The following CD22 variants were observed in gnomAD, a reference collection of about 807,000 sequenced individuals.
CD22 encodes the protein B-cell receptor CD22.
Under a neutral mutation model 94.7 loss-of-function variants are expected in CD22, and 51 were observed. The observed-to-expected ratio is 0.54, with a 90% CI of 0.43 to 0.68. CD22 has a LOEUF of 0.68. CD22 is among the 30% of genes least tolerant of loss of function. The pLI is 0.00. For synonymous variants in CD22, 424 were observed against 422.5 expected (o/e 1.00, Z -0.04); for missense variants, 931 against 1,060.4 (o/e 0.88, Z 1.69).
Position 35,337,092 on chromosome 19 carries a change from A to G in CD22, c.719-663A>G, listed in dbSNP as rs2145659090. Among the ~76,000 whole-genome samples the G allele has an allele frequency of 6.6e-6, 1 of 152,264 alleles. No individual in the cohort carries two copies. Among genetic ancestry groups the G allele is most frequent in the Non-Finnish European group, 1.5e-5 (1 of 68,022 alleles). On this transcript the variant is annotated intron_variant, in intron 4 of 13. Coordinates refer to ENST00000085219, the MANE Select transcript of CD22 (RefSeq NM_001771.4). This position sits in a 1 kb window ranked among gnomAD's most constrained non-coding sequence, Gnocchi z 4.4. Reference sequence around the variant, plus strand: ...ATCTCTAGTAAAAATACAAAAAATTAGCCAGGCATGATGGCAGGCGCCTGT... The same window carrying G: ...ATCTCTAGTAAAAATACAAAAAATTGGCCAGGCATGATGGCAGGCGCCTGT...
At chr19:35,334,950 C>T (rs56212031) in intron 3 of CD22, among the ~76,000 whole-genome samples, 17,655 of 151,692 alleles carry the variant, frequency 0.12, 1,092 homozygotes, top group Middle Eastern at 0.14. Context: ...TGGTGGCAGG[C>T]GCCTGTAGTC....
In CD22 at chr19:35,340,899, C is replaced by T. The variant is rs1599684920; in HGVS notation, c.1268C>T (p.Thr423Ile). The change falls in exon 7 of 14, where the codon ACC (threonine) becomes ATC (isoleucine). Residue 423 changes from threonine (T) to isoleucine (I), a missense_variant. Coordinates refer to ENST00000085219, the MANE Select transcript of CD22 (RefSeq NM_001771.4). ...CTTCCAGATCCTCCCAAGAAGGTGA[C>T]CACAGTGATTCAAAACCCCATGCCG... The part of the protein sequence containing the change: ...LDVQYPPKKV[T>I]TVIQNPMPIR... The T allele has an allele frequency of 5.6e-6, 9 of 1,614,012 alleles. No individual in the cohort carries two copies. In the East Asian group the frequency reaches 2.0e-4, roughly 36 times the overall value.
intron 12 of CD22, 126 bp downstream of exon 12, chr19:35,345,846 C>A: frequency 1.3e-6 from 1 of 742,660 alleles, no homozygotes; most frequent in South Asian, 1.6e-5. Flanking sequence ...TGCCTCATTC[C>A]CACTCGGCAA....
chr19:35,338,301 G>T lies in CD22; in HGVS notation c.1119G>T (p.Met373Ile). Reference protein sequence around the residue: ...NYTWYHNGKEMQGRTEEKVHI... With the variant: ...NYTWYHNGKEIQGRTEEKVHI... ...CGTGGTACCACAATGGGAAAGAAAT[G>T]CAGGGAAGGACAGAGGAGAAAGTCC... Residue 373 changes from methionine (M) to isoleucine (I), a missense_variant, in exon 6 of 14, where the codon ATG becomes ATT. Physicochemically the swap from Met to Ile is conservative, Grantham distance 10. Coordinates refer to ENST00000085219, the MANE Select transcript of CD22 (RefSeq NM_001771.4). 6.2e-7 allele frequency: 1 copy of T among 1,614,256 alleles called. No homozygotes were observed. The highest frequency in any genetic ancestry group is 2.2e-5 in the East Asian group (1 of 44,888).
chr19:35,332,680 C>T lies in CD22; in HGVS notation c.168C>T (p.Phe56=). The T allele has an allele frequency of 6.2e-7, 1 of 1,614,142 alleles. No individual in the cohort carries two copies. The change falls in exon 3 of 14, where the codon TTC becomes TTT. Residue 56 remains phenylalanine (F), a synonymous_variant. Transcript: ENST00000085219. The part of the protein sequence containing the change: ...YRALDGDLES[F]ILFHNPEYNK... The stretch of plus-strand genomic sequence containing the variant: ...CCCTAGATGGTGACCTGGAAAGCTT[C>T]ATCCTGTTCCACAATCCTGAGTATA...
intron 9 of CD22, among the ~76,000 whole-genome samples, chr19:35,342,976 A>G (rs1351273178): frequency 6.6e-6 from 1 of 151,812 alleles, no homozygotes; most frequent in Non-Finnish European, 1.5e-5. Flanking sequence ...ATGCCCGGCT[A>G]ATTTTTTGTA....
At chr19:35,344,656 G>T in intron 9 of CD22, 173 bp from the exon 10 acceptor site, 1 of 631,560 alleles carries the variant, frequency 1.6e-6, no homozygotes. Flanking sequence ...TTCCTAAAGG[G>T]AGGCCCAGAG....
At chr19:35,330,268 A>G (rs2145642356) in intron 1 of CD22, among the ~76,000 whole-genome samples, 1 of 152,320 alleles carries the variant, frequency 6.6e-6, no homozygotes, top group Non-Finnish European at 1.5e-5. Context: ...CCCTGGAGGC[A>G]GAGGATGCAG....
intron 6 of CD22, among the ~76,000 whole-genome samples, chr19:35,340,310 TCTC>T (rs1467805081): frequency 2.0e-5 from 3 of 151,284 alleles, no homozygotes; most frequent in Admixed American, 6.6e-5. Context: ...TAAGATGGAG[TCTC>T]CCTCTGTTGC....
Position 35,341,782 on chromosome 19 carries a change from A to T in CD22, c.1852A>T (p.Ser618Cys). 3 of 1,613,036 alleles carry T rather than the reference A, an allele frequency of 1.9e-6. No homozygotes were observed. Among genetic ancestry groups the T allele is most frequent in the Non-Finnish European group, 2.5e-6 (3 of 1,179,952 alleles). ...GAAGAGTGCAACCCTGACCTGTGAG[A>T]GCGACGCCAACCCTCCCGTCTCCCA... is the stretch of plus-strand genomic sequence containing the variant. ...EGKSATLTCE[S>C]DANPPVSHYT... Residue 618 changes from serine to cysteine, a missense_variant, in exon 9 of 14, where the codon AGC becomes TGC. Ser to Cys is a moderately radical substitution (Grantham distance 112). Transcript: ENST00000085219. This position sits in a 1 kb window ranked among gnomAD's most constrained non-coding sequence, Gnocchi z 4.0.
chr19:35,339,393 C>T (rs913687841), intron 6 of CD22, among the ~76,000 whole-genome samples: 10 of 151,636 alleles, frequency 6.6e-5, no homozygotes, highest in Admixed American at 2.6e-4. Context: ...AAAACCCCAT[C>T]TCTACAAAAA....
chr19:35,340,916 C>T lies in CD22; in HGVS notation c.1285C>T (p.Pro429Ser), dbSNP rs149882238. 6.2e-7 allele frequency: 1 copy of T among 1,614,014 alleles called. No homozygotes were observed. Among genetic ancestry groups the T allele is most frequent in the African/African-American group, 1.3e-5 (1 of 74,904 alleles). The change falls in exon 7 of 14, where the codon CCC (proline) becomes TCC (serine). Residue 429 changes from proline (P) to serine (S), a missense_variant. Coordinates refer to ENST00000085219, the MANE Select transcript of CD22 (RefSeq NM_001771.4). ...GAAGGTGACCACAGTGATTCAAAACCCCATGCCGATTCGAGAAGGAGACAC... is the reference window on the plus strand; with the variant it reads ...GAAGGTGACCACAGTGATTCAAAACTCCATGCCGATTCGAGAAGGAGACAC... Reference protein sequence around the residue: ...PKKVTTVIQNPMPIREGDTVT... With the variant: ...PKKVTTVIQNSMPIREGDTVT...
chr19:35,336,514 GC>G, intron 4 of CD22, 173 bp downstream of exon 4: 2 of 614,822 alleles, frequency 3.3e-6, no homozygotes, highest in Non-Finnish European at 5.7e-6. Context: ...ATTTGCTCTA[GC>G]CTAACAGAAT....
Position 35,332,944 on chromosome 19 carries a change from G to T in CD22, c.412+20G>T. On this transcript the variant is annotated intron_variant, in intron 3 of 13. Coordinates refer to ENST00000085219, the MANE Select transcript of CD22 (RefSeq NM_001771.4). ...TCTCTGGTAAGGCCTTCGGGGAGCG[G>T]GTCCTCTGCTCTGGGCAGGGGTGAG... The T allele has an allele frequency of 6.2e-7, 1 of 1,608,104 alleles. No homozygotes were observed.
chr19:35,346,974 T>G lies in CD22; in HGVS notation c.*277T>G. Reference sequence around the variant, plus strand: ...ATCCATCTAAATACCTGCCCTGACATGCACACCTCCCCCTGCCCCCACCAC... The same window carrying G: ...ATCCATCTAAATACCTGCCCTGACAGGCACACCTCCCCCTGCCCCCACCAC... On this transcript the variant is annotated 3_prime_UTR_variant, in exon 14 of 14. Transcript: ENST00000085219. 2.8e-6 allele frequency: 1 copy of G among 353,402 alleles called. No individual in the cohort carries two copies. Among genetic ancestry groups the G allele is most frequent in the South Asian group, 3.8e-5 (1 of 26,044 alleles). The allele number at this position is 353,402 out of a possible 1,614,324, so 21.9% of individuals were successfully genotyped here.
rs2066917418 is a variant in CD22 at position 35,346,863 on chromosome 19, C to CTCAGAGCAG, written c.*173_*174insAGTCAGAGC. The stretch of plus-strand genomic sequence containing the variant: ...TCACTGCGGAGAACCTTGTGCCTGG[C>CTCAGAGCAG]TCAGAGCCAGTCTTTTTGGTGAGGG... On this transcript the variant is annotated 3_prime_UTR_variant, in exon 14 of 14. Transcript: ENST00000085219. 1 of 716,844 alleles carries CTCAGAGCAG rather than the reference C, an allele frequency of 1.4e-6. No individual in the cohort carries two copies. Among genetic ancestry groups the CTCAGAGCAG allele is most frequent in the Non-Finnish European group, 2.2e-6 (1 of 454,638 alleles). 44.4% of individuals were successfully genotyped at this position (716,844 alleles called of 1,614,324 possible).
At chr19:35,329,808 A>G (rs1407257197) in intron 1 of CD22, 1 of 155,676 alleles carries the variant, frequency 6.4e-6, no homozygotes, top group Non-Finnish European at 1.4e-5. Context: ...CAGGGAACGG[A>G]GTCTAGTCCT....
intron 6 of CD22, among the ~76,000 whole-genome samples, 188 bp downstream of exon 6, chr19:35,338,619 CTTGT>C (rs1370710555): frequency 6.6e-6 from 1 of 151,752 alleles, no homozygotes; most frequent in Non-Finnish European, 1.5e-5. Flanking sequence ...TTGGTAGATG[CTTGT>C]TTTTTTGTGT....
chr19:35,343,755 A>T (rs896046920), intron 9 of CD22, among the ~76,000 whole-genome samples: 2 of 152,048 alleles, frequency 1.3e-5, no homozygotes, highest in South Asian at 2.1e-4. Context: ...AAAAAATTTT[A>T]AAAACGAACA....
Sources: gnomAD v4.1 joint callset for allele counts (sites outside exome capture counted in the v4.1 genomes callset) on GRCh38, gnomAD v4.1.1 for gene constraint, Gnocchi (gnomAD v3.1) non-coding constraint, MANE v1.5 for transcripts, NCBI Gene and HGNC (gene_info 2026-07-23, HGNC 2026-07-21) for gene names.